The following FLVCR1 variants were observed in gnomAD, a reference collection of about 807,000 sequenced individuals.
FLVCR1 encodes the protein choline/ethanolamine transporter FLVCR1.
In FLVCR1, 34 loss-of-function variants were observed where a neutral mutation model predicts 53.6. The ratio of observed to expected loss-of-function variants is 0.63; its 90% CI spans 0.48 to 0.84. FLVCR1 has a LOEUF of 0.84. FLVCR1 is among the 40% of genes least tolerant of loss of function. The pLI is 0.00. For missense variants in FLVCR1, 677 were observed against 696.7 expected, an observed-to-expected ratio of 0.97 and a Z score of 0.32; for synonymous variants, 300 against 286.3, an observed-to-expected ratio of 1.05 and a Z score of -0.48.
intron 6 of FLVCR1, among the ~76,000 whole-genome samples, chr1:212,888,261 T>G (rs1404438082): frequency 1.3e-5 from 2 of 152,220 alleles, no homozygotes; most frequent in African/African-American, 4.8e-5. Flanking sequence ...AATCAACTTA[T>G]AAAACTAGAA....
rs1665398258 is a variant in FLVCR1 at position 212,898,514 on chromosome 1, A to G, written c.*3224A>G. The G allele has an allele frequency of 6.6e-6, 1 of 152,200 alleles. No individual in the cohort carries two copies. The highest frequency in any genetic ancestry group is 1.5e-5 in the Non-Finnish European group (1 of 68,032). 9.4% of individuals were successfully genotyped at this position (152,200 alleles called of 1,614,324 possible). ...ACAAATTACACATAAAATTTAGAATACTTTATTTCTGAAAAGCATATACAT... is the reference window on the plus strand; with the variant it reads ...ACAAATTACACATAAAATTTAGAATGCTTTATTTCTGAAAAGCATATACAT... On this transcript the variant is annotated 3_prime_UTR_variant, in exon 10 of 10. Coordinates refer to ENST00000366971, the MANE Select transcript of FLVCR1 (RefSeq NM_014053.4).
At chr1:212,885,431 C>A in intron 5 of FLVCR1, 35 bp downstream of exon 5, 4 of 1,463,596 alleles carry the variant, frequency 2.7e-6, no homozygotes, top group South Asian at 1.1e-5. Context: ...GGTGTATAAC[C>A]AAAGGTATTT....
At chr1:212,882,163 G>T (rs12744746) in intron 3 of FLVCR1, among the ~76,000 whole-genome samples, 70,476 of 152,000 alleles carry the variant, frequency 0.46, 17,579 homozygotes, top group East Asian at 0.56. Flanking sequence ...AAGCTCTTAT[G>T]TATAAGAACA....
chr1:212,860,350 G>GTTTTTTGTTTTTTTTTTTTTTTTTTTT (rs1664186530), intron 1 of FLVCR1, among the ~76,000 whole-genome samples: 1 of 85,850 alleles, frequency 1.2e-5, no homozygotes, highest in Non-Finnish European at 2.4e-5. Flanking sequence ...TGTGTGTGTG[G>GTTTTTTGTTTTTTTTTTTTTTTTTTTT]TTTTTTTTTT....
intron 3 of FLVCR1, among the ~76,000 whole-genome samples, chr1:212,873,569 A>G (rs919945504): frequency 6.6e-6 from 1 of 152,222 alleles, no homozygotes; most frequent in East Asian, 1.9e-4. Flanking sequence ...CTCTCTCCAC[A>G]TCTTTCAGGA....
At chr1:212,879,835 G>T (rs985294002) in intron 3 of FLVCR1, among the ~76,000 whole-genome samples, 9 of 152,106 alleles carry the variant, frequency 5.9e-5, no homozygotes, top group Admixed American at 5.9e-4. Flanking sequence ...GGGATTACAG[G>T]CATGAGCCAC....
chr1:212,895,704 A>G lies in FLVCR1; in HGVS notation c.*414A>G, dbSNP rs547230894. The G allele has an allele frequency of 4.0e-6, 1 of 249,150 alleles. No individual in the cohort carries two copies. Among genetic ancestry groups the G allele is most frequent in the African/African-American group, 2.3e-5 (1 of 43,470 alleles). The allele number at this position is 249,150 out of a possible 1,614,324, so 15.4% of individuals were successfully genotyped here. Reference sequence around the variant, plus strand: ...GTTCATGCAGTTTATATATTAAAGTATCCAGTGGAACTAAATGTACAATAT... The same window carrying G: ...GTTCATGCAGTTTATATATTAAAGTGTCCAGTGGAACTAAATGTACAATAT... On this transcript the variant is annotated 3_prime_UTR_variant, in exon 10 of 10. Transcript: ENST00000366971.
chr1:212,864,627 C>T (rs1334949506), intron 2 of FLVCR1: 1 of 152,158 alleles, frequency 6.6e-6, no homozygotes, highest in South Asian at 2.1e-4. Flanking sequence ...TAATATTGCC[C>T]TTTAGGCACT....
chr1:212,858,827 G>T lies in FLVCR1; in HGVS notation c.375G>T (p.Trp125Cys). 1.2e-6 allele frequency: 2 copies of T among 1,614,246 alleles called. No individual in the cohort carries two copies. The highest frequency in any genetic ancestry group is 1.7e-6 in the Non-Finnish European group (2 of 1,180,040). Residue 125 changes from tryptophan (W) to cysteine (C), a missense_variant, in exon 1 of 10, where the codon TGG (tryptophan) becomes TGT (cysteine). By Grantham distance (215) the Trp-to-Cys change is radical (BLOSUM62 -2). Transcript: ENST00000366971. ...ACTCGCTGGTCAACGCCTTTCAGTG[G>T]ATCCAGTACAGCATCATTAGCAACG... ...SLYSLVNAFQWIQYSIISNVF... is the reference protein window; with the variant it reads ...SLYSLVNAFQCIQYSIISNVF...
chr1:212,888,296 T>C (rs41300971), intron 6 of FLVCR1, among the ~76,000 whole-genome samples, 193 bp from the exon 7 acceptor site: 1 of 152,328 alleles, frequency 6.6e-6, no homozygotes, highest in East Asian at 1.9e-4. Context: ...GAAAAAAATG[T>C]GTATTTGTTG....
Position 212,858,701 on chromosome 1 carries a change from T to C in FLVCR1, c.249T>C (p.Pro83=), listed in dbSNP as rs1167564717. The C allele has an allele frequency of 1.3e-6, 2 of 1,591,534 alleles. No individual in the cohort carries two copies. The highest frequency in any genetic ancestry group is 1.3e-5 in the African/African-American group (1 of 74,332). The stretch of plus-strand genomic sequence containing the variant: ...AGGAGACCCAGGCCCGGCTGCTGCC[T>C]GCGGGCGCGGGAGCTGAGACCCCGG... The part of the protein sequence containing the change: ...PEEETQARLL[P]AGAGAETPGA... The change falls in exon 1 of 10, where the codon CCT becomes CCC. Residue 83 remains proline (P), a synonymous_variant. Coordinates refer to ENST00000366971, the MANE Select transcript of FLVCR1 (RefSeq NM_014053.4).
At chr1:212,894,928 C>A in intron 8 of FLVCR1, 58 bp from the exon 9 acceptor site, 1 of 1,195,172 alleles carries the variant, frequency 8.4e-7, no homozygotes, top group Non-Finnish European at 1.3e-6. Flanking sequence ...CTTTGAGCTG[C>A]TTTTTAAAAA....
chr1:212,877,292 A>G (rs148733141), intron 3 of FLVCR1, among the ~76,000 whole-genome samples: 1 of 152,040 alleles, frequency 6.6e-6, no homozygotes, highest in African/African-American at 2.4e-5. Context: ...TATAAACAAT[A>G]GATGTTTATA....
chr1:212,867,389 C>T lies in FLVCR1; in HGVS notation c.883+3520C>T, dbSNP rs146989747. 1.8e-4 allele frequency among the ~76,000 whole-genome samples: 28 copies of T among 152,322 alleles called. 1 individual carries two copies. In the East Asian group the frequency reaches 5.0e-3, roughly 27 times the overall value. On this transcript the variant is annotated intron_variant, in intron 2 of 9. Coordinates refer to ENST00000366971, the MANE Select transcript of FLVCR1 (RefSeq NM_014053.4). ...TACATGCTGTATCTCATTTAATCCT[C>T]ATGACTCTGTGAGGAGGGTACCAAT...
rs568250066 is a variant in FLVCR1 at position 212,861,910 on chromosome 1, T to TC, written c.739-1809dup. ...TGGTCTCGATCTCCTGACCTCGTGA[T>TC]CCCCCCACCTCGGCCTCCCAAAGTG... On this transcript the variant is annotated intron_variant, in intron 1 of 9. Transcript: ENST00000366971. Among the ~76,000 whole-genome samples the TC allele has an allele frequency of 2.3e-3, 354 of 152,070 alleles. 2 individuals carry two copies. Among genetic ancestry groups the TC allele is most frequent in the Non-Finnish European group, 1.8e-3 (123 of 68,000 alleles).
chr1:212,870,702 TA>T (rs11334767), intron 2 of FLVCR1, among the ~76,000 whole-genome samples: 2,651 of 152,140 alleles, frequency 0.017, 81 homozygotes, highest in African/African-American at 0.058. Context: ...TCCTAATTTC[TA>T]AAAAAAATTC....
chr1:212,861,247 G>T (rs1664231479), intron 1 of FLVCR1, among the ~76,000 whole-genome samples: 1 of 152,152 alleles, frequency 6.6e-6, no homozygotes, highest in Admixed American at 6.5e-5. Flanking sequence ...ACAAGGTCGT[G>T]CCCTTTCCCT....
At chr1:212,861,151 C>T (rs1381034643) in intron 1 of FLVCR1, among the ~76,000 whole-genome samples, 1 of 152,188 alleles carries the variant, frequency 6.6e-6, no homozygotes, top group Admixed American at 6.5e-5. Context: ...GCCAGCCCTT[C>T]CACTTTATCT....
At chr1:212,895,177 A>T in intron 9 of FLVCR1, 39 bp from the exon 10 acceptor site, 1 of 1,500,596 alleles carries the variant, frequency 6.7e-7, no homozygotes, top group Non-Finnish European at 9.3e-7. Flanking sequence ...AGGATATGCC[A>T]GATGCTATAC....
Sources: gnomAD v4.1 joint callset for allele counts (sites outside exome capture counted in the v4.1 genomes callset) on GRCh38, gnomAD v4.1.1 for gene constraint, MANE v1.5 for transcripts, NCBI Gene and HGNC (gene_info 2026-07-23, HGNC 2026-07-21) for gene names.